Variants in IGSF5 observed in about 807,000 individuals in gnomAD.
IGSF5 encodes immunoglobulin superfamily 5 like.
IGSF5 carries 41 observed loss-of-function variants against 39.4 expected under a neutral mutation model. That is an observed-to-expected ratio of 1.04 (90% confidence interval 0.81 to 1.35). IGSF5 has a LOEUF of 1.35. Ranked by LOEUF, IGSF5 falls within the 40% of genes most tolerant of loss-of-function variation. The pLI is 0.00. For synonymous variants in IGSF5, 183 were observed against 175.3 expected (o/e 1.04, Z -0.34); for missense variants, 487 against 494.6 (o/e 0.98, Z 0.15).
intron 3 of IGSF5, among the ~76,000 whole-genome samples, chr21:39,768,548 C>G (rs758128629): frequency 1.3e-5 from 2 of 152,184 alleles, no homozygotes; most frequent in Non-Finnish European, 2.9e-5. Context: ...GCCTTATCCA[C>G]CAATCAATCA....
intron 2 of IGSF5, among the ~76,000 whole-genome samples, chr21:39,750,494 C>A (rs2079999609): frequency 1.8e-5 from 2 of 110,704 alleles, no homozygotes; most frequent in South Asian, 6.5e-4. Context: ...GGTAACAGAG[C>A]AAGACACTGT....
At chr21:39,766,078 C>G (rs958147854) in intron 3 of IGSF5, among the ~76,000 whole-genome samples, 68 of 152,222 alleles carry the variant, frequency 4.5e-4, no homozygotes, top group African/African-American at 1.6e-3. Context: ...CCCCTCTCTT[C>G]CTTCCTGTGT....
chr21:39,783,519 A>G (rs1193971222), intron 5 of IGSF5, among the ~76,000 whole-genome samples: 1 of 152,190 alleles, frequency 6.6e-6, no homozygotes, highest in Non-Finnish European at 1.5e-5. Flanking sequence ...CTAAGAAGAC[A>G]TCTAAATTGA....
At chr21:39,755,905 A>C (rs954233328) in intron 2 of IGSF5, among the ~76,000 whole-genome samples, 14 of 151,950 alleles carry the variant, frequency 9.2e-5, no homozygotes, top group Non-Finnish European at 2.1e-4. Flanking sequence ...GGAGTTTGAG[A>C]CCAGCCTGGC....
At chr21:39,742,939 A>G (rs1425863855), upstream of IGSF5, among the ~76,000 whole-genome samples, 6 of 152,138 alleles carry the variant, frequency 3.9e-5, no homozygotes, top group Non-Finnish European at 8.8e-5. Context: ...TGAGTGATAA[A>G]CTTATCCTTT....
intron 2 of IGSF5, among the ~76,000 whole-genome samples, chr21:39,763,930 T>C (rs554487427): frequency 3.9e-5 from 6 of 152,238 alleles, no homozygotes; most frequent in African/African-American, 4.8e-5. Flanking sequence ...ATCAGAGAGA[T>C]TTGCCTTGAG....
chr21:39,760,043 C>T (rs76836642), intron 2 of IGSF5, among the ~76,000 whole-genome samples: 6,355 of 152,090 alleles, frequency 0.042, 429 homozygotes, highest in African/African-American at 0.14. Context: ...AATACCAAAG[C>T]GTTCAAATGC....
upstream of IGSF5, among the ~76,000 whole-genome samples, chr21:39,744,938 C>T (rs575377587): frequency 6.7e-4 from 102 of 152,340 alleles, 4 homozygotes; most frequent in South Asian, 0.015. Context: ...TTTCGGGCTA[C>T]GCCCTTATTT....
Position 39,779,118 on chromosome 21 carries a change from T to C in IGSF5, c.747T>C (p.Gly249=). Reference sequence around the variant, plus strand: ...CTGGAGGTGGTATTAATATTCCAGGTGTATTATCAAGTTTACCGAGTTTAG... The same window carrying C: ...CTGGAGGTGGTATTAATATTCCAGGCGTATTATCAAGTTTACCGAGTTTAG... ...QDTGGGINIP[G]VLSSLPSLGF... Residue 249 remains glycine, a synonymous_variant, in exon 5 of 9, where the codon GGT becomes GGC. Transcript: ENST00000380588. The C allele has an allele frequency of 6.2e-7, 1 of 1,613,208 alleles. No homozygotes were observed.
At chr21:39,732,919 G>A in the IGSF5 span, among the ~76,000 whole-genome samples, 18 of 151,992 alleles carry the variant, frequency 1.2e-4, no homozygotes, top group Non-Finnish European at 8.8e-5. Context: ...GCAGCTACTT[G>A]GGAGGGTGAG....
At chr21:39,727,157 C>T in the IGSF5 span, among the ~76,000 whole-genome samples, 1 of 152,204 alleles carries the variant, frequency 6.6e-6, no homozygotes, top group Non-Finnish European at 1.5e-5. Context: ...CTCCTAGTGA[C>T]CCACTAGTAG....
intron 8 of IGSF5, among the ~76,000 whole-genome samples, chr21:39,795,031 A>G (rs952744574): frequency 6.6e-6 from 1 of 152,156 alleles, no homozygotes; most frequent in East Asian, 1.9e-4. Context: ...TAGTGTCAAC[A>G]CAGGTAGCCA....
chr21:39,746,173 T>C lies in IGSF5; in HGVS notation c.18-43T>C, dbSNP rs2146268170. On this transcript the variant is annotated intron_variant, in intron 1 of 8. Coordinates refer to ENST00000380588, the MANE Select transcript of IGSF5 (RefSeq NM_001080444.2). ...AGCCATGCAGGAACAATGGCGAGCC[T>C]TTAGCCTGATTGGAAGTGGCAATGG... is the stretch of plus-strand genomic sequence containing the variant. 8.6e-6 allele frequency: 6 copies of C among 701,494 alleles called. No individual in the cohort carries two copies. The East Asian group carries it at 1.6e-4, about 19-fold the overall frequency. The allele number at this position is 701,494 out of a possible 1,614,324, so 43.5% of individuals were successfully genotyped here. A position where few individuals can be genotyped will look rare whatever the true frequency, so the allele number is the denominator to read the frequency against.
chr21:39,728,719 G>A, the IGSF5 span, among the ~76,000 whole-genome samples: 1 of 152,180 alleles, frequency 6.6e-6, no homozygotes, highest in Non-Finnish European at 1.5e-5. Flanking sequence ...TGTGCAAAGA[G>A]GGAGACACTG....
At chr21:39,762,908 C>T (rs1077588) in intron 2 of IGSF5, among the ~76,000 whole-genome samples, 52,524 of 151,904 alleles carry the variant, frequency 0.35, 9,637 homozygotes, top group Admixed American at 0.5. Context: ...GGGAGGTTCT[C>T]GGGCGGGAGG....
intron 5 of IGSF5, among the ~76,000 whole-genome samples, chr21:39,783,299 CATA>C (rs2080180964): frequency 6.6e-6 from 1 of 152,092 alleles, no homozygotes; most frequent in Admixed American, 6.5e-5. Context: ...TACTGTTTTC[CATA>C]ATGACTGTAC....
At chr21:39,724,716 T>C in the IGSF5 span, among the ~76,000 whole-genome samples, 1 of 152,224 alleles carries the variant, frequency 6.6e-6, no homozygotes, top group South Asian at 2.1e-4. Context: ...CATGGACTAA[T>C]ACACTGGGTG....
chr21:39,792,466 C>T (rs2086970973), intron 7 of IGSF5, among the ~76,000 whole-genome samples: 1 of 152,124 alleles, frequency 6.6e-6, no homozygotes, highest in Non-Finnish European at 1.5e-5. Context: ...CAACAAGGCA[C>T]ATGTATACAT....
chr21:39,786,345 A>T (rs1240165712), intron 5 of IGSF5, among the ~76,000 whole-genome samples: 9 of 149,046 alleles, frequency 6.0e-5, no homozygotes, highest in African/African-American at 1.5e-4. Context: ...CAGCCAAAAA[A>T]CACATGAAAA....
Sources: allele counts gnomAD v4.1 joint callset (sites outside exome capture counted in the v4.1 genomes callset), GRCh38; gene constraint gnomAD v4.1.1; transcripts MANE v1.5; gene names NCBI Gene and HGNC (gene_info 2026-07-23, HGNC 2026-07-21).